Variants in SLC9A2 observed in about 807,000 individuals in gnomAD.
The protein encoded by SLC9A2 is sodium/hydrogen exchanger 2.
SLC9A2 carries 42 observed loss-of-function variants against 71.7 expected under a neutral mutation model. The observed-to-expected ratio is 0.59, with a 90% CI of 0.46 to 0.76. SLC9A2 has a LOEUF of 0.76. Among genes scored for constraint, SLC9A2 ranks in the 30% least tolerant of loss-of-function variants. The probability of loss-of-function intolerance (pLI) is 0.00; values close to 1 mark genes in which losing one functional copy is unlikely to be tolerated. For missense variants in SLC9A2, 829 were observed against 1,017.4 expected (o/e 0.81, Z 2.52); for synonymous variants, 396 against 392.5 (o/e 1.01, Z -0.10).
At chr2:102,679,191 C>T (rs985958289) in intron 3 of SLC9A2, among the ~76,000 whole-genome samples, 2 of 152,102 alleles carry the variant, frequency 1.3e-5, no homozygotes, top group Admixed American at 1.3e-4. Context: ...CCACCCAGGG[C>T]GTTCTTTCTT....
chr2:102,680,832 G>A (rs147137706), intron 3 of SLC9A2, among the ~76,000 whole-genome samples: 1 of 151,964 alleles, frequency 6.6e-6, no homozygotes, highest in Admixed American at 6.6e-5. Flanking sequence ...GCCCTTATGA[G>A]AGGGCGTAGG....
intron 1 of SLC9A2, among the ~76,000 whole-genome samples, chr2:102,641,896 CG>C (rs567032635): frequency 8.7e-4 from 7 of 8,030 alleles, no homozygotes; most frequent in East Asian, 3.7e-3. Flanking sequence ...CAGGGCCTGT[CG>C]GGGGGTGGGG....
intron 7 of SLC9A2, among the ~76,000 whole-genome samples, chr2:102,700,628 G>A (rs548548496): frequency 3.9e-5 from 6 of 152,242 alleles, no homozygotes; most frequent in African/African-American, 1.4e-4. Flanking sequence ...GTTCAAGAGA[G>A]AATCAGAGGA....
intron 1 of SLC9A2, among the ~76,000 whole-genome samples, chr2:102,655,944 G>C (rs554584734): frequency 2.4e-4 from 37 of 152,322 alleles, no homozygotes; most frequent in African/African-American, 8.7e-4. Flanking sequence ...TCTGTTGTGA[G>C]GGCCTTCATC....
At position 102,620,149 on chromosome 2, in the gene SLC9A2, G is replaced by T; in HGVS notation, c.289+12G>T. 6.3e-7 allele frequency: 1 copy of T among 1,587,890 alleles called. No homozygotes were observed. Reference sequence around the variant, plus strand: ...CCTGGCCAAGATTGGTGAGCGAACTGGACTTGTGGGGAATGGGAGGGGGCG... The same window carrying T: ...CCTGGCCAAGATTGGTGAGCGAACTTGACTTGTGGGGAATGGGAGGGGGCG... On this transcript the variant is annotated intron_variant, in intron 1 of 11. Coordinates refer to ENST00000233969, the MANE Select transcript of SLC9A2 (RefSeq NM_003048.6).
At chr2:102,674,298 G>C (rs746094468) in intron 3 of SLC9A2, among the ~76,000 whole-genome samples, 1 of 152,068 alleles carries the variant, frequency 6.6e-6, no homozygotes, top group Non-Finnish European at 1.5e-5. Context: ...AGGAGAACCC[G>C]TTATTCTTTA....
chr2:102,678,558 G>A (rs908541208), intron 3 of SLC9A2, among the ~76,000 whole-genome samples: 17 of 152,274 alleles, frequency 1.1e-4, no homozygotes, highest in African/African-American at 3.4e-4. Context: ...GAATGAGGAC[G>A]TGAGGCTGTG....
chr2:102,699,642 G>A (rs1457866349), intron 7 of SLC9A2, among the ~76,000 whole-genome samples: 5 of 152,132 alleles, frequency 3.3e-5, no homozygotes, highest in South Asian at 2.1e-4. Context: ...TGCTGATGGC[G>A]CAAAGATTTG....
intron 3 of SLC9A2, among the ~76,000 whole-genome samples, chr2:102,681,368 G>A (rs746255685): frequency 1.3e-4 from 20 of 152,118 alleles, no homozygotes; most frequent in Non-Finnish European, 2.5e-4. Context: ...CACCATGCCC[G>A]GCCCAGTACT....
chr2:102,696,003 A>G (rs936325801), intron 7 of SLC9A2, among the ~76,000 whole-genome samples: 3 of 151,704 alleles, frequency 2.0e-5, no homozygotes, highest in Non-Finnish European at 4.4e-5. Flanking sequence ...AATTAGATGT[A>G]TGCTTTAATA....
intron 1 of SLC9A2, among the ~76,000 whole-genome samples, chr2:102,646,789 A>ATATATATATATATATATATATATATC (rs887096663): frequency 6.7e-6 from 1 of 148,254 alleles, no homozygotes. Flanking sequence ...ATATATATAT[A>ATATATATATATATATATATATATATC]TCTCCAATAC....
chr2:102,643,490 C>G (rs1050690346), intron 1 of SLC9A2, among the ~76,000 whole-genome samples: 12 of 152,160 alleles, frequency 7.9e-5, no homozygotes, highest in African/African-American at 2.7e-4. Flanking sequence ...ATTGTTGGGG[C>G]TTTTGTTGCC....
chr2:102,621,049 C>T (rs1321853910), intron 1 of SLC9A2, among the ~76,000 whole-genome samples: 4 of 151,512 alleles, frequency 2.6e-5, no homozygotes, highest in Admixed American at 2.0e-4. Flanking sequence ...CCCAGCTACT[C>T]GGGAGGCTGA....
intron 1 of SLC9A2, 43 bp downstream of exon 1, chr2:102,620,180 G>A (rs371489781): frequency 1.3e-6 from 2 of 1,543,738 alleles, no homozygotes; most frequent in African/African-American, 1.4e-5. Flanking sequence ...GGGCGATCTC[G>A]GGGGGACACC....
chr2:102,659,751 A>G (rs1407248625), intron 2 of SLC9A2, among the ~76,000 whole-genome samples: 2 of 152,216 alleles, frequency 1.3e-5, no homozygotes, highest in East Asian at 3.8e-4. Context: ...CCATAATAGT[A>G]GAGACATTTT....
intron 9 of SLC9A2, among the ~76,000 whole-genome samples, chr2:102,703,336 G>C (rs1046700236): frequency 2.0e-5 from 3 of 152,068 alleles, no homozygotes; most frequent in African/African-American, 7.2e-5. Context: ...TTCCACATCT[G>C]CCTCACCCAT....
At position 102,708,110 on chromosome 2, in the gene SLC9A2, C is replaced by T. The variant is rs1438090119; in HGVS notation, c.2069-9C>T. 1 of 1,604,350 alleles carries T rather than the reference C, an allele frequency of 6.2e-7. No individual in the cohort carries two copies. Among genetic ancestry groups the T allele is most frequent in the Admixed American group, 1.7e-5 (1 of 58,896 alleles). ...ATGCTTGCCCACCTTGTCTTTTGCTCCGTGATAGATGGCAATAGCAGCGAC... is the reference window on the plus strand; with the variant it reads ...ATGCTTGCCCACCTTGTCTTTTGCTTCGTGATAGATGGCAATAGCAGCGAC... On this transcript the variant is annotated splice_polypyrimidine_tract_variant and intron_variant, in intron 11 of 11. Coordinates refer to ENST00000233969, the MANE Select transcript of SLC9A2 (RefSeq NM_003048.6).
intron 1 of SLC9A2, among the ~76,000 whole-genome samples, chr2:102,653,168 C>G (rs1676868148): frequency 6.6e-6 from 1 of 152,184 alleles, no homozygotes; most frequent in Non-Finnish European, 1.5e-5. Flanking sequence ...GAACTAAGAT[C>G]TTGTGTGACA....
chr2:102,664,254 C>T (rs1167515194), intron 2 of SLC9A2, among the ~76,000 whole-genome samples: 1 of 150,302 alleles, frequency 6.7e-6, no homozygotes, highest in East Asian at 1.9e-4. Context: ...TGTACTCCAG[C>T]CTGAGTGAGA....
Sources: allele counts gnomAD v4.1 joint callset (sites outside exome capture counted in the v4.1 genomes callset), GRCh38; gene constraint gnomAD v4.1.1; transcripts MANE v1.5; gene names NCBI Gene and HGNC (gene_info 2026-07-23, HGNC 2026-07-21).